ZFP14: variants seen among roughly 807,000 people sequenced by gnomAD.
The protein encoded by ZFP14 is ZFP14 zinc finger protein, also known as zinc finger protein 14 homolog.
A neutral mutation model predicts 54.5 loss-of-function variants in ZFP14; 22 were observed. The observed-to-expected ratio is 0.40, with a 90% CI of 0.29 to 0.58. ZFP14 has a LOEUF of 0.58. Ranked by LOEUF, ZFP14 falls within the 20% of genes least tolerant of loss-of-function variation. The pLI is 0.39. For synonymous variants in ZFP14, 159 were observed against 204.0 expected (o/e 0.78, Z 1.88); for missense variants, 470 against 637.8 (o/e 0.74, Z 2.83).
chr19:36,360,645 G>C (rs1360133746), intron 3 of ZFP14, 112 bp from the exon 4 acceptor site: 1 of 949,304 alleles, frequency 1.1e-6, no homozygotes, highest in African/African-American at 1.7e-5. Context: ...TAAAGCCTAG[G>C]AGCGAAGAAT....
chr19:36,344,789 G>T (rs2031384190), intron 4 of ZFP14, among the ~76,000 whole-genome samples: 1 of 152,124 alleles, frequency 6.6e-6, no homozygotes, highest in African/African-American at 2.4e-5. Context: ...ATCTGAGGTG[G>T]AACAGTTTCA....
intron 2 of ZFP14, among the ~76,000 whole-genome samples, chr19:36,363,224 C>T (rs1420805046): frequency 1.6e-5 from 2 of 123,236 alleles, no homozygotes; most frequent in East Asian, 2.4e-4. Flanking sequence ...GACGGAGTCT[C>T]GCTCTGTCGC....
intron 4 of ZFP14, among the ~76,000 whole-genome samples, chr19:36,359,437 A>G (rs1207715489): frequency 1.3e-5 from 2 of 152,204 alleles, no homozygotes; most frequent in Admixed American, 1.3e-4. Context: ...GATGTTTAAT[A>G]GAATTCACCA....
chr19:36,363,726 A>G (rs751022823), intron 2 of ZFP14, among the ~76,000 whole-genome samples: 3 of 151,958 alleles, frequency 2.0e-5, no homozygotes. Context: ...GCAGTGGCTC[A>G]AGCCTGTAAT....
chr19:36,360,576 A>G, intron 3 of ZFP14, 43 bp from the exon 4 acceptor site: 1 of 1,553,812 alleles, frequency 6.4e-7, no homozygotes, highest in Non-Finnish European at 8.8e-7. Flanking sequence ...ACACCAGAAA[A>G]TCTTTAGATT....
Position 36,338,465 on chromosome 19 carries a change from C to G in ZFP14, c.*1759G>C, listed in dbSNP as rs902020565. 6.6e-6 allele frequency: 1 copy of G among 151,350 alleles called. No homozygotes were observed. Among genetic ancestry groups the G allele is most frequent in the Non-Finnish European group, 1.5e-5 (1 of 67,954 alleles). 9.4% of individuals were successfully genotyped at this position (151,350 alleles called of 1,614,324 possible). ...CCTTTGGAGGCCAAGGAGGGAGGAT[C>G]ACTTGAGCCCAGAAGTTCAAGACCA... On this transcript the variant is annotated 3_prime_UTR_variant, in exon 5 of 5. Coordinates refer to ENST00000270001, the MANE Select transcript of ZFP14 (RefSeq NM_020917.3).
intron 4 of ZFP14, among the ~76,000 whole-genome samples, chr19:36,354,436 T>C (rs1174946094): frequency 7.1e-6 from 1 of 141,128 alleles, no homozygotes; most frequent in African/African-American, 2.6e-5. Context: ...GATCTCGCTC[T>C]TGCCTAACAT....
chr19:36,370,860 C>T (rs1221372747), intron 1 of ZFP14, among the ~76,000 whole-genome samples: 3 of 152,208 alleles, frequency 2.0e-5, no homozygotes, highest in Non-Finnish European at 2.9e-5. Flanking sequence ...CATCAGTGCA[C>T]GGTCACAAAG....
chr19:36,341,638 A>G lies in ZFP14; in HGVS notation c.236-48T>C. 1 of 1,496,256 alleles carries G rather than the reference A, an allele frequency of 6.7e-7. No individual in the cohort carries two copies. The highest frequency in any genetic ancestry group is 8.9e-7 in the Non-Finnish European group (1 of 1,128,918). 92.7% of individuals were successfully genotyped at this position (1,496,256 alleles called of 1,614,324 possible). A position where few individuals can be genotyped will look rare whatever the true frequency, so the allele number is the denominator to read the frequency against. ...ATACATACTGTTTTCCTGTTCCAGA[A>G]AGAAAAAACAAACAAACAAAAAAAC... On this transcript the variant is annotated intron_variant, in intron 4 of 4. Transcript: ENST00000270001. This position sits in a 1 kb window ranked among gnomAD's most constrained non-coding sequence, Gnocchi z 4.2.
At chr19:36,342,295 C>G (rs2145540160) in intron 4 of ZFP14, among the ~76,000 whole-genome samples, 1 of 151,242 alleles carries the variant, frequency 6.6e-6, no homozygotes, top group African/African-American at 2.4e-5. Flanking sequence ...ATTCTCCTGC[C>G]TCAGCCCTCC....
Position 36,338,754 on chromosome 19 carries a change from ACTC to A in ZFP14, c.*1467_*1469del, listed in dbSNP as rs1223859747. 10 of 151,990 alleles carry A rather than the reference ACTC, an allele frequency of 6.6e-5. No individual in the cohort carries two copies. The highest frequency in any genetic ancestry group is 5.9e-4 in the Admixed American group (9 of 15,242). The allele number at this position is 151,990 out of a possible 1,614,324, so 9.4% of individuals were successfully genotyped here. Reference sequence around the variant, plus strand: ...CACATCAAAAACTCAACTTGAAACAACTCCTACTGGTTGAAGATATGGCATTTT... The same window carrying A: ...CACATCAAAAACTCAACTTGAAACAACTACTGGTTGAAGATATGGCATTTT... On this transcript the variant is annotated 3_prime_UTR_variant, in exon 5 of 5. Transcript: ENST00000270001.
Position 36,360,472 on chromosome 19 carries a change from C to A in ZFP14, c.198G>T (p.Gly66=). 1.2e-6 allele frequency: 2 copies of A among 1,613,812 alleles called. No homozygotes were observed. Among genetic ancestry groups the A allele is most frequent in the Non-Finnish European group, 1.7e-6 (2 of 1,179,828 alleles). The change falls in exon 4 of 5, where the codon GGG becomes GGT. Residue 66 remains glycine (G), a synonymous_variant. Coordinates refer to ENST00000270001, the MANE Select transcript of ZFP14 (RefSeq NM_020917.3). ...TTCTTGTCCCTTCCCTCACAACCAT[C>A]CCAGGTTCCTTCCTTTCTTCATCCA... ...TLLDEERKEP[G]MVVREGTRRY...
chr19:36,341,900 G>A lies in ZFP14; in HGVS notation c.236-310C>T, dbSNP rs1430608634. On this transcript the variant is annotated intron_variant, in intron 4 of 4. Transcript: ENST00000270001. This position sits in a 1 kb window ranked among gnomAD's most constrained non-coding sequence, Gnocchi z 4.2. The stretch of plus-strand genomic sequence containing the variant: ...GGAGTCTCGCTCTGTTGCCCAGGCT[G>A]GAGTGCAGTAGTGCGATCCCGGCTC... 1.3e-5 allele frequency among the ~76,000 whole-genome samples: 2 copies of A among 151,796 alleles called. No homozygotes were observed. The highest frequency in any genetic ancestry group is 2.9e-5 in the Non-Finnish European group (2 of 67,978).
chr19:36,362,813 T>G (rs938131685), intron 2 of ZFP14: 2 of 303,190 alleles, frequency 6.6e-6, no homozygotes, highest in African/African-American at 4.5e-5. Flanking sequence ...TGATAAAAAT[T>G]TATCCCACAT....
chr19:36,375,160 T>G (rs184154200), intron 1 of ZFP14, among the ~76,000 whole-genome samples: 1 of 152,306 alleles, frequency 6.6e-6, no homozygotes, highest in East Asian at 1.9e-4. Context: ...AAGATGCCTA[T>G]GAAGCCCTCC....
chr19:36,375,806 C>T (rs2031952721), intron 1 of ZFP14, among the ~76,000 whole-genome samples: 1 of 152,080 alleles, frequency 6.6e-6, no homozygotes, highest in Non-Finnish European at 1.5e-5. Context: ...ATCTGCCCGC[C>T]TCGGCCTCCC....
rs1021554791 is a variant in ZFP14, at chr19:36,355,484, C to T, written c.235+4951G>A. Among the ~76,000 whole-genome samples the T allele has an allele frequency of 2.1e-5, 3 of 140,948 alleles. 1 individual carries two copies. The highest frequency in any genetic ancestry group is 7.8e-5 in the African/African-American group (3 of 38,332). The allele number at this position is 140,948 out of a possible 152,430, so 92.5% of individuals were successfully genotyped here. On this transcript the variant is annotated intron_variant, in intron 4 of 4. Transcript: ENST00000270001. ...CTTGAGCCCAGGAGTTCAAGAACAG[C>T]CTAGGGAATACAGGGAGATCTCTGT...
At chr19:36,373,277 CA>C (rs577636762) in intron 1 of ZFP14, among the ~76,000 whole-genome samples, 32 of 88,100 alleles carry the variant, frequency 3.6e-4, no homozygotes, top group South Asian at 4.0e-4. Context: ...AACTCCGTCT[CA>C]AAAAAAAAAA....
chr19:36,344,084 C>T (rs778957041), intron 4 of ZFP14, among the ~76,000 whole-genome samples: 6 of 152,148 alleles, frequency 3.9e-5, no homozygotes, highest in Non-Finnish European at 8.8e-5. Context: ...CTCACTGCAA[C>T]CTCTGCCTCC....
Sources: allele counts gnomAD v4.1 joint callset (sites outside exome capture counted in the v4.1 genomes callset), GRCh38; gene constraint gnomAD v4.1.1; non-coding constraint Gnocchi (gnomAD v3.1); transcripts MANE v1.5; gene names NCBI Gene and HGNC (gene_info 2026-07-23, HGNC 2026-07-21).